The following GALNT14 variants were observed in gnomAD, a reference collection of about 807,000 sequenced individuals.
GALNT14 encodes UDP-GalNAc:polypeptide N-acetylgalactosaminyltransferase 14.
In GALNT14, 60 loss-of-function variants were observed where a neutral mutation model predicts 77.5. The observed-to-expected ratio is 0.77, with a 90% CI of 0.63 to 0.96. GALNT14 has a LOEUF of 0.96. GALNT14 is among the 40% of genes least tolerant of loss of function. The pLI, the probability that GALNT14 is intolerant of heterozygous loss-of-function variation, is 0.00. For missense variants in GALNT14, 710 were observed against 731.0 expected (o/e 0.97, Z 0.33); for synonymous variants, 280 against 281.7 (o/e 0.99, Z 0.06).
At chr2:31,093,097 G>A (rs1217304150) in intron 1 of GALNT14, among the ~76,000 whole-genome samples, 2 of 152,174 alleles carry the variant, frequency 1.3e-5, no homozygotes, top group Admixed American at 1.3e-4. Context: ...GGGTGAGAAT[G>A]AGAGAGAGGA....
intron 3 of GALNT14, among the ~76,000 whole-genome samples, chr2:30,964,326 G>A (rs1373446179): frequency 2.0e-5 from 3 of 152,178 alleles, no homozygotes; most frequent in Non-Finnish European, 4.4e-5. Context: ...CAGGGCTGTG[G>A]TCTGGCACTT....
chr2:31,041,218 T>C (rs1274228234), intron 1 of GALNT14, among the ~76,000 whole-genome samples: 2 of 151,954 alleles, frequency 1.3e-5, no homozygotes, highest in Non-Finnish European at 2.9e-5. Context: ...AGGATTAAGA[T>C]AGGACCCAGG....
chr2:30,934,431 T>C (rs1196003628), intron 9 of GALNT14, among the ~76,000 whole-genome samples: 2 of 152,224 alleles, frequency 1.3e-5, no homozygotes, highest in Non-Finnish European at 2.9e-5. Flanking sequence ...ACACATCTTG[T>C]GCCAGCTTTC....
chr2:31,116,729 A>G (rs143519758), intron 1 of GALNT14, among the ~76,000 whole-genome samples: 2,511 of 152,290 alleles, frequency 0.016, 21 homozygotes, highest in South Asian at 0.03. Context: ...ATATATATAG[A>G]GAGAACTATA....
intron 1 of GALNT14, chr2:31,125,296 T>C: frequency 7.3e-7 from 1 of 1,365,114 alleles, no homozygotes; most frequent in East Asian, 2.5e-5. Flanking sequence ...GTCATTTCTT[T>C]GGCAATTAAT....
At chr2:30,959,050 G>A (rs1443379420) in intron 3 of GALNT14, among the ~76,000 whole-genome samples, 2 of 152,050 alleles carry the variant, frequency 1.3e-5, no homozygotes, top group Non-Finnish European at 2.9e-5. Context: ...CACCTCCCAT[G>A]CCCAGTGCCG....
At chr2:31,085,893 A>C (rs879371954) in intron 1 of GALNT14, among the ~76,000 whole-genome samples, 8 of 152,226 alleles carry the variant, frequency 5.3e-5, no homozygotes, top group Admixed American at 5.2e-4. Context: ...ATCATGCAGA[A>C]GGCAAAGGAG....
chr2:31,079,469 G>A (rs1676021434), intron 1 of GALNT14, among the ~76,000 whole-genome samples: 1 of 152,176 alleles, frequency 6.6e-6, no homozygotes, highest in South Asian at 2.1e-4. Flanking sequence ...GGAGATCAAG[G>A]CCCTGTGTTT....
rs557274854 is a variant in GALNT14, at chr2:31,121,808, G to C, written c.129+16150C>G. On this transcript the variant is annotated intron_variant, in intron 1 of 14. Coordinates refer to ENST00000349752, the MANE Select transcript of GALNT14 (RefSeq NM_024572.4). ...TGGCGTAGAGGTGCTAGGATAATGG[G>C]ATATTTGTTTGCATTTGTTCTCACT... is the stretch of plus-strand genomic sequence containing the variant. 3.7e-4 allele frequency among the ~76,000 whole-genome samples: 56 copies of C among 152,174 alleles called. No homozygotes were observed. In the Middle Eastern group the frequency reaches 0.014, roughly 37 times the overall value.
chr2:31,052,676 T>C (rs904579902), intron 1 of GALNT14, among the ~76,000 whole-genome samples: 37 of 152,134 alleles, frequency 2.4e-4, no homozygotes, highest in African/African-American at 8.4e-4. Flanking sequence ...CAGCCTCCAC[T>C]GCACAGGACA....
At chr2:30,968,847 C>T (rs61557511) in intron 2 of GALNT14, among the ~76,000 whole-genome samples, 3,461 of 152,266 alleles carry the variant, frequency 0.023, 145 homozygotes, top group East Asian at 0.21. Flanking sequence ...TGAAACAGCT[C>T]CCAGTGAGAA....
the GALNT14 span, among the ~76,000 whole-genome samples, chr2:30,904,940 A>C: frequency 2.6e-5 from 4 of 152,014 alleles, no homozygotes; most frequent in Non-Finnish European, 5.9e-5. Flanking sequence ...GGCACCCCCC[A>C]GCAGGGGCAC....
chr2:30,906,086 A>G (rs1317711268), downstream of GALNT14, among the ~76,000 whole-genome samples: 11 of 151,042 alleles, frequency 7.3e-5, no homozygotes, highest in Non-Finnish European at 1.0e-4. Context: ...AGGAACAACC[A>G]GTACCAGCCG....
At chr2:31,117,957 G>A (rs1678195911) in intron 1 of GALNT14, among the ~76,000 whole-genome samples, 1 of 152,210 alleles carries the variant, frequency 6.6e-6, no homozygotes, top group Non-Finnish European at 1.5e-5. Flanking sequence ...TCGTGCATGG[G>A]AGGTTTTATA....
chr2:30,973,916 T>G (rs1250726214), intron 2 of GALNT14, among the ~76,000 whole-genome samples: 2 of 152,340 alleles, frequency 1.3e-5, no homozygotes, highest in South Asian at 2.1e-4. Flanking sequence ...GAACATATTA[T>G]TAATTCCAGT....
In GALNT14 at chr2:30,912,258, C is replaced by T. The variant is rs1473551797; in HGVS notation, c.1465G>A (p.Val489Ile). The change falls in exon 14 of 15, where the codon GTT becomes ATT. Residue 489 changes from valine (V) to isoleucine (I), a missense_variant. Val to Ile is a conservative substitution (Grantham distance 29). Coordinates refer to ENST00000349752, the MANE Select transcript of GALNT14 (RefSeq NM_024572.4). ...VITLFPGAPVVLVLCKNGDDR... is the reference protein window; with the variant it reads ...VITLFPGAPVILVLCKNGDDR... ...TCTCCATTCTTGCAAAGGACAAGAA[C>T]CACTGGGGCGCCAGGGAACAAGGTG... The T allele has an allele frequency of 5.6e-6, 9 of 1,614,186 alleles. No individual in the cohort carries two copies. Among genetic ancestry groups the T allele is most frequent in the Non-Finnish European group, 7.6e-6 (9 of 1,180,046 alleles).
chr2:30,956,602 G>C (rs1217652313), intron 4 of GALNT14, among the ~76,000 whole-genome samples: 1 of 152,198 alleles, frequency 6.6e-6, no homozygotes, highest in Non-Finnish European at 1.5e-5. Context: ...CACCTCCTGG[G>C]TTCAAGTGAT....
the GALNT14 span, among the ~76,000 whole-genome samples, chr2:30,888,782 A>G: frequency 7.9e-5 from 12 of 152,296 alleles, 1 homozygote; most frequent in South Asian, 2.5e-3. Flanking sequence ...TGGTTGCAAA[A>G]TTCTGGTGAT....
chr2:31,029,488 C>T (rs563317630), intron 1 of GALNT14, among the ~76,000 whole-genome samples: 26 of 152,294 alleles, frequency 1.7e-4, no homozygotes, highest in East Asian at 3.9e-4. Context: ...TACAATACAA[C>T]GTAGTTATAT....
Sources: allele counts gnomAD v4.1 joint callset (sites outside exome capture counted in the v4.1 genomes callset), GRCh38; gene constraint gnomAD v4.1.1; transcripts MANE v1.5; gene names NCBI Gene and HGNC (gene_info 2026-07-23, HGNC 2026-07-21).